The following PNLIPRP3 variants were observed in gnomAD, a reference collection of about 807,000 sequenced individuals.
PNLIPRP3 encodes the protein pancreatic lipase related protein 3, also known as pancreatic lipase-related protein 3.
In PNLIPRP3, 58 loss-of-function variants were observed where a neutral mutation model predicts 52.8. The ratio of observed to expected loss-of-function variants is 1.10; its 90% confidence interval spans 0.89 to 1.37. The LOEUF (loss-of-function observed/expected upper bound fraction) is 1.37, where lower values mean the gene tolerates loss of function less well. Ranked by LOEUF, PNLIPRP3 falls within the 40% of genes most tolerant of loss-of-function variation. The probability of loss-of-function intolerance (pLI) is 0.00; values close to 1 mark genes in which losing one functional copy is unlikely to be tolerated. For missense variants in PNLIPRP3, 593 were observed against 561.6 expected, an observed-to-expected ratio of 1.06 and a Z score of -0.57; for synonymous variants, 192 against 185.0, an observed-to-expected ratio of 1.04 and a Z score of -0.31.
At chr10:116,439,616 A>C in intron 2 of PNLIPRP3, 1 of 768,682 alleles carries the variant, frequency 1.3e-6, no homozygotes, top group South Asian at 1.4e-5. Flanking sequence ...TTGCCACCTT[A>C]GTGATGTAAG....
chr10:116,455,607 C>A, intron 4 of PNLIPRP3, 115 bp from the exon 5 acceptor site: 1 of 729,008 alleles, frequency 1.4e-6, no homozygotes, highest in Non-Finnish European at 2.2e-6. Context: ...CAGTCCCTGT[C>A]TTATGTGCAA....
At chr10:116,464,318 T>C (rs140011526) in intron 7 of PNLIPRP3, among the ~76,000 whole-genome samples, 1 of 152,302 alleles carries the variant, frequency 6.6e-6, no homozygotes, top group East Asian at 1.9e-4. Context: ...ACAGGGATAT[T>C]GTGTCAGAGG....
intron 8 of PNLIPRP3, among the ~76,000 whole-genome samples, chr10:116,468,115 A>C (rs1213210437): frequency 8.7e-6 from 1 of 114,378 alleles, no homozygotes; most frequent in African/African-American, 3.6e-5. Flanking sequence ...ACAGAGCCAG[A>C]CTCTGTCTCG....
intron 7 of PNLIPRP3, among the ~76,000 whole-genome samples, chr10:116,462,945 G>A (rs1428961425): frequency 6.6e-6 from 1 of 152,082 alleles, no homozygotes; most frequent in Non-Finnish European, 1.5e-5. Context: ...AAGACTTCAA[G>A]ATGTTCTATT....
intron 5 of PNLIPRP3, 94 bp from the exon 6 acceptor site, chr10:116,460,872 A>G (rs1181829485): frequency 6.7e-7 from 1 of 1,492,388 alleles, no homozygotes; most frequent in Non-Finnish European, 9.1e-7. Context: ...TCTTTGATTG[A>G]TAGAAATAAT....
chr10:116,456,925 A>G (rs1432419244), intron 5 of PNLIPRP3, among the ~76,000 whole-genome samples: 9 of 152,308 alleles, frequency 5.9e-5, no homozygotes, highest in Admixed American at 5.2e-4. Context: ...AGTCTTCTAC[A>G]AATACTGCCA....
chr10:116,429,210 G>C (rs376425904), intron 1 of PNLIPRP3, among the ~76,000 whole-genome samples: 1 of 151,986 alleles, frequency 6.6e-6, no homozygotes, highest in Non-Finnish European at 1.5e-5. Flanking sequence ...TTAAAATACT[G>C]TATAAAATTA....
rs1845781171 is a variant in PNLIPRP3 at position 116,436,808 on chromosome 10, A to C, written c.147A>C (p.Pro49=). The C allele has an allele frequency of 6.2e-7, 1 of 1,613,554 alleles. No homozygotes were observed. The highest frequency in any genetic ancestry group is 1.3e-5 in the African/African-American group (1 of 74,872). Residue 49 remains proline (P), a synonymous_variant, in exon 2 of 12, where the codon CCA becomes CCC. Transcript: ENST00000369230. ...STELVGLPWS[P]EKINTRFLLY... ...AGTTGGTAGGTTTACCCTGGTCTCC[A>C]GAGAAGATAAACACTCGTTTCCTGC...
rs1846327248 is a variant in PNLIPRP3, at chr10:116,469,196, CTTTTGT to C, written c.941_946del (p.Phe314_Cys315del). 1.2e-5 allele frequency: 19 copies of C among 1,610,640 alleles called. No homozygotes were observed. The South Asian group carries it at 1.9e-4, about 16-fold the overall frequency. ...TTTTCTGTCATCAGGGAAATTGCTT[CTTTTGT>C]TCCAAAGAAGGTTGCCCAACAATGG... On this transcript the variant is annotated inframe_deletion, in exon 9 of 12. Coordinates refer to ENST00000369230, the MANE Select transcript of PNLIPRP3 (RefSeq NM_001011709.3).
chr10:116,436,741 G>GT lies in PNLIPRP3; in HGVS notation c.83dup (p.Lys29GlnfsTer46). ...GAAGTTTGCTATGAAAGGTTAGGGTGTTTCAAAGATGGTTTACCATGGACC... is the reference window on the plus strand; with the variant it reads ...GAAGTTTGCTATGAAAGGTTAGGGTGTTTTCAAAGATGGTTTACCATGGACC... On this transcript the variant is annotated frameshift_variant, in exon 2 of 12. Transcript: ENST00000369230. LOFTEE classifies it high-confidence loss of function. The GT allele has an allele frequency of 6.2e-7, 1 of 1,612,970 alleles. No homozygotes were observed. Among genetic ancestry groups the GT allele is most frequent in the Non-Finnish European group, 8.5e-7 (1 of 1,179,386 alleles).
intron 10 of PNLIPRP3, among the ~76,000 whole-genome samples, chr10:116,476,054 A>T (rs1431482): frequency 0.97 from 146,976 of 152,150 alleles, 71,190 homozygotes; most frequent in East Asian, 1. Flanking sequence ...GGAAAAAACA[A>T]GTCATTGGTT....
intron 10 of PNLIPRP3, among the ~76,000 whole-genome samples, chr10:116,475,332 G>A (rs1358927824): frequency 6.6e-6 from 1 of 152,022 alleles, no homozygotes; most frequent in East Asian, 1.9e-4. Flanking sequence ...TAACTAATGG[G>A]TACTAGGCTT....
chr10:116,469,409 G>T, intron 9 of PNLIPRP3, 92 bp downstream of exon 9: 3 of 1,285,370 alleles, frequency 2.3e-6, no homozygotes, highest in Non-Finnish European at 3.1e-6. Context: ...TAAATAACTG[G>T]GCATTAGGCC....
intron 10 of PNLIPRP3, 49 bp downstream of exon 10, chr10:116,471,928 A>C: frequency 1.7e-6 from 2 of 1,178,246 alleles, no homozygotes; most frequent in Non-Finnish European, 2.5e-6. Context: ...GGGGCTCAGT[A>C]ACACTAAGTG....
Position 116,469,230 on chromosome 10 carries a change from C to A in PNLIPRP3, c.973C>A (p.His325Asn), listed in dbSNP as rs536815758. The change falls in exon 9 of 12, where the codon CAT (histidine) becomes AAT (asparagine). Residue 325 changes from histidine to asparagine, a missense_variant. Physicochemically the swap from His to Asn is moderately conservative, Grantham distance 68. Transcript: ENST00000369230. Reference sequence around the variant, plus strand: ...CAAAGAAGGTTGCCCAACAATGGGTCATTTTGCTGATAGATTTCACTTCAA... The same window carrying A: ...CAAAGAAGGTTGCCCAACAATGGGTAATTTTGCTGATAGATTTCACTTCAA... ...CSKEGCPTMG[H>N]FADRFHFKNM... 2 of 1,612,272 alleles carry A rather than the reference C, an allele frequency of 1.2e-6. No individual in the cohort carries two copies. Among genetic ancestry groups the A allele is most frequent in the South Asian group, 2.2e-5 (2 of 90,458 alleles).
chr10:116,428,120 A>G, intron 1 of PNLIPRP3, 59 bp downstream of exon 1: 1 of 1,216,428 alleles, frequency 8.2e-7, no homozygotes, highest in Non-Finnish European at 1.2e-6. Context: ...TACATCTAAA[A>G]TGTAATTGAC....
intron 2 of PNLIPRP3, among the ~76,000 whole-genome samples, chr10:116,441,918 A>G (rs1845864461): frequency 6.6e-6 from 1 of 152,196 alleles, no homozygotes; most frequent in African/African-American, 2.4e-5. Context: ...TATTATAATT[A>G]CTGAGCAAGC....
intron 4 of PNLIPRP3, among the ~76,000 whole-genome samples, chr10:116,450,025 G>C (rs1038718273): frequency 6.6e-6 from 1 of 152,018 alleles, no homozygotes; most frequent in African/African-American, 2.4e-5. Context: ...AATCAAAAGA[G>C]AAATTATAAA....
At chr10:116,437,996 G>A (rs1480879475) in intron 2 of PNLIPRP3, among the ~76,000 whole-genome samples, 1 of 152,160 alleles carries the variant, frequency 6.6e-6, no homozygotes, top group African/African-American at 2.4e-5. Context: ...AAGTGGTTAT[G>A]ATAATAGAAA....
Sources: gnomAD v4.1 joint callset for allele counts (sites outside exome capture counted in the v4.1 genomes callset) on GRCh38, gnomAD v4.1.1 for gene constraint, MANE v1.5 for transcripts, NCBI Gene and HGNC (gene_info 2026-07-23, HGNC 2026-07-21) for gene names.